Variants in GALNT2 observed in about 807,000 individuals in gnomAD.
The protein encoded by GALNT2 is UDP-GalNAc:polypeptide N-acetylgalactosaminyltransferase 2.
A neutral mutation model predicts 81.4 loss-of-function variants in GALNT2; 31 were observed. That is an observed-to-expected ratio of 0.38 (90% CI 0.29 to 0.51). GALNT2 has a LOEUF of 0.51. Among genes scored for constraint, GALNT2 ranks in the 20% least tolerant of loss-of-function variants. The pLI, the probability that GALNT2 is intolerant of heterozygous loss-of-function variation, is 0.87. For synonymous variants in GALNT2, 303 were observed against 287.4 expected, an observed-to-expected ratio of 1.05 and a Z score of -0.55; for missense variants, 629 against 765.7, an observed-to-expected ratio of 0.82 and a Z score of 2.11.
At chr1:230,086,031 A>G (rs558206379) in intron 1 of GALNT2, among the ~76,000 whole-genome samples, 1 of 152,352 alleles carries the variant, frequency 6.6e-6, no homozygotes, top group South Asian at 2.1e-4. Flanking sequence ...TGCCTGGTTA[A>G]GGAACGAACT....
chr1:230,256,206 A>T (rs1336837714), intron 11 of GALNT2, among the ~76,000 whole-genome samples: 2 of 152,200 alleles, frequency 1.3e-5, no homozygotes, highest in African/African-American at 4.8e-5. Context: ...CGGGAGGCCG[A>T]GATGGGCAGA....
intron 1 of GALNT2, among the ~76,000 whole-genome samples, chr1:230,120,204 G>T (rs1352403295): frequency 6.6e-6 from 1 of 152,190 alleles, no homozygotes; most frequent in Non-Finnish European, 1.5e-5. Flanking sequence ...GGCTACACCT[G>T]GGATTCTCCA....
intron 6 of GALNT2, among the ~76,000 whole-genome samples, chr1:230,241,534 C>T (rs568840834): frequency 6.6e-6 from 1 of 152,116 alleles, no homozygotes; most frequent in African/African-American, 2.4e-5. Flanking sequence ...GCAACCTCTG[C>T]CTCCTGGGTT....
chr1:230,147,557 G>A (rs1027300869), intron 1 of GALNT2, among the ~76,000 whole-genome samples: 2 of 152,160 alleles, frequency 1.3e-5, no homozygotes, highest in Admixed American at 6.5e-5. Context: ...TCCTGGTCCC[G>A]CGGGGGCTTT....
intron 1 of GALNT2, among the ~76,000 whole-genome samples, chr1:230,173,727 C>T (rs769329973): frequency 2.0e-5 from 3 of 152,184 alleles, no homozygotes; most frequent in Non-Finnish European, 4.4e-5. Context: ...GGCTACTGGG[C>T]GCAAGAGCCT....
At chr1:230,159,880 C>T (rs1662377545) in intron 1 of GALNT2, among the ~76,000 whole-genome samples, 1 of 152,194 alleles carries the variant, frequency 6.6e-6, no homozygotes, top group African/African-American at 2.4e-5. Context: ...GGCTGGATCC[C>T]TGTTTGCTAG....
chr1:230,066,159 T>C (rs1214416299), upstream of GALNT2, among the ~76,000 whole-genome samples: 2 of 152,244 alleles, frequency 1.3e-5, no homozygotes, highest in Non-Finnish European at 2.9e-5. Flanking sequence ...TACGGACTTA[T>C]ATCAGGCAGC....
intron 1 of GALNT2, among the ~76,000 whole-genome samples, chr1:230,143,185 C>T (rs1661803190): frequency 6.6e-6 from 1 of 152,200 alleles, no homozygotes; most frequent in African/African-American, 2.4e-5. Context: ...AATTGGGGTA[C>T]TGGGCACTGT....
chr1:230,264,928 A>G (rs1341543104), intron 13 of GALNT2: 3 of 261,004 alleles, frequency 1.1e-5, no homozygotes, highest in Non-Finnish European at 7.4e-6. Context: ...ATGACTTCCA[A>G]TAAGACTAAC....
At chr1:230,125,105 C>T (rs1661135040) in intron 1 of GALNT2, among the ~76,000 whole-genome samples, 1 of 152,204 alleles carries the variant, frequency 6.6e-6, no homozygotes, top group Non-Finnish European at 1.5e-5. Context: ...GTTCTCTATT[C>T]TTGTCAAATG....
chr1:230,174,426 G>A (rs1256407459), intron 1 of GALNT2, among the ~76,000 whole-genome samples: 3 of 152,000 alleles, frequency 2.0e-5, no homozygotes, highest in Non-Finnish European at 4.4e-5. Context: ...GTTTGCAGAT[G>A]CCTCCTCTTG....
intron 3 of GALNT2, among the ~76,000 whole-genome samples, chr1:230,232,056 T>A (rs532054879): frequency 1.8e-4 from 27 of 152,338 alleles, no homozygotes; most frequent in African/African-American, 6.0e-4. Context: ...TCACTAGTTC[T>A]GGAGTAGTGA....
intron 1 of GALNT2, among the ~76,000 whole-genome samples, chr1:230,118,210 G>GAT (rs1410168749): frequency 6.6e-6 from 1 of 152,286 alleles, no homozygotes; most frequent in East Asian, 1.9e-4. Flanking sequence ...CCGTTGTCTG[G>GAT]ATATACCACA....
chr1:230,164,667 G>A (rs1188293226), intron 1 of GALNT2, among the ~76,000 whole-genome samples: 3 of 151,986 alleles, frequency 2.0e-5, no homozygotes, highest in African/African-American at 7.3e-5. Context: ...CTGAGTAGCT[G>A]GGACTACAGG....
intron 1 of GALNT2, among the ~76,000 whole-genome samples, chr1:230,080,764 C>T (rs1489186831): frequency 1.3e-5 from 2 of 152,152 alleles, no homozygotes; most frequent in Non-Finnish European, 2.9e-5. Flanking sequence ...AGTCACTTAA[C>T]CCTTCAGTGC....
intron 3 of GALNT2, among the ~76,000 whole-genome samples, chr1:230,204,775 C>T (rs1664009857): frequency 1.3e-5 from 2 of 152,184 alleles, no homozygotes; most frequent in Non-Finnish European, 2.9e-5. Flanking sequence ...TAGAGTCATT[C>T]ATTCATCAGT....
At chr1:230,185,299 T>TGCGC (rs200753059) in intron 2 of GALNT2, among the ~76,000 whole-genome samples, 10 of 116,458 alleles carry the variant, frequency 8.6e-5, no homozygotes, top group African/African-American at 2.6e-4. Flanking sequence ...TGTGTGTGTG[T>TGCGC]GTGCGCGCGT....
chr1:230,185,825 C>A (rs753574913), intron 2 of GALNT2, among the ~76,000 whole-genome samples: 6 of 152,124 alleles, frequency 3.9e-5, no homozygotes, highest in African/African-American at 1.4e-4. Flanking sequence ...ATGACTGGGT[C>A]CCCCTGGAGT....
At chr1:230,203,908 T>C (rs1174641138) in intron 3 of GALNT2, among the ~76,000 whole-genome samples, 1 of 152,198 alleles carries the variant, frequency 6.6e-6, no homozygotes, top group Non-Finnish European at 1.5e-5. Context: ...CACTGTAACC[T>C]CAAACTCTTG....
Sources: gnomAD v4.1 joint callset for allele counts (sites outside exome capture counted in the v4.1 genomes callset) on GRCh38, gnomAD v4.1.1 for gene constraint, MANE v1.5 for transcripts, NCBI Gene and HGNC (gene_info 2026-07-23, HGNC 2026-07-21) for gene names.